USP34: variants seen among roughly 807,000 people sequenced by gnomAD.
The protein encoded by USP34 is ubiquitin carboxyl-terminal hydrolase 34.
USP34 carries 70 observed loss-of-function variants against 460.3 expected under a neutral mutation model. The observed-to-expected ratio is 0.15, with a 90% CI of 0.13 to 0.19. The LOEUF is 0.19. Among genes scored for constraint, USP34 ranks in the 10% least tolerant of loss-of-function variants. The pLI, the probability that USP34 is intolerant of heterozygous loss-of-function variation, is 1.00. For synonymous variants in USP34, 1,647 were observed against 1,405.3 expected (o/e 1.17, Z -3.85); for missense variants, 3,985 against 4,236.2 (o/e 0.94, Z 1.65).
intron 41 of USP34, among the ~76,000 whole-genome samples, chr2:61,275,528 G>C (rs531941615): frequency 6.6e-6 from 1 of 152,090 alleles, no homozygotes; most frequent in African/African-American, 2.4e-5. Flanking sequence ...GGAGGTTGGG[G>C]CAGGTGAATC....
chr2:61,301,753 G>A (rs1314903969), intron 27 of USP34, among the ~76,000 whole-genome samples: 3 of 152,138 alleles, frequency 2.0e-5, no homozygotes, highest in Non-Finnish European at 4.4e-5. Flanking sequence ...CAAGGACTAA[G>A]ATTTCTCTCC....
chr2:61,398,488 GGGGGAAGGAGGCGGAAGCA>G (rs761441365), intron 3 of USP34, among the ~76,000 whole-genome samples: 31 of 119,390 alleles, frequency 2.6e-4, no homozygotes, highest in Non-Finnish European at 4.2e-4. Flanking sequence ...AGGCGGAAGC[GGGGGAAGGAGGCGGAAGCA>G]GGGGAAGGAG....
intron 15 of USP34, among the ~76,000 whole-genome samples, chr2:61,344,912 A>G (rs1263526541): frequency 6.6e-6 from 1 of 152,170 alleles, no homozygotes; most frequent in Admixed American, 6.5e-5. Context: ...GGCTCAGTAT[A>G]GTGGCAAACA....
intron 41 of USP34, among the ~76,000 whole-genome samples, chr2:61,268,438 TAAAAAAAAAAA>T (rs35618230): frequency 6.9e-4 from 37 of 53,416 alleles, no homozygotes; most frequent in Middle Eastern, 0.014. Context: ...GAGCTGTTGT[TAAAAAAAAAAA>T]AAAAAAAAAA....
intron 43 of USP34, among the ~76,000 whole-genome samples, chr2:61,261,365 C>T (rs1688872872): frequency 6.6e-6 from 1 of 152,066 alleles, no homozygotes; most frequent in African/African-American, 2.4e-5. Flanking sequence ...CATGGATAAC[C>T]CTTGAAGATA....
Position 61,281,102 on chromosome 2 carries a change from G to C in USP34, c.5139C>G (p.Leu1713=), listed in dbSNP as rs764830264. Residue 1713 remains leucine (L), a synonymous_variant, in exon 38 of 80, where the codon CTC becomes CTG. Transcript: ENST00000398571. ...LLKFLPDAQA[L]KPIRIDDYEE... ...AGTAAAATCTTACCCTAATAGGTTT[G>C]AGTGCTTGAGCATCAGGAAGAAATT... 2 of 1,613,484 alleles carry C rather than the reference G, an allele frequency of 1.2e-6. No homozygotes were observed. The highest frequency in any genetic ancestry group is 1.7e-6 in the Non-Finnish European group (2 of 1,179,682).
rs537397343 is a variant in USP34, at chr2:61,383,234, T to C, written c.821+35A>G. The C allele has an allele frequency of 8.8e-5, 128 of 1,454,236 alleles. No homozygotes were observed. In the South Asian group the frequency reaches 1.5e-3, roughly 17 times the overall value. 90.1% of individuals were successfully genotyped at this position (1,454,236 alleles called of 1,614,324 possible). On this transcript the variant is annotated intron_variant, in intron 6 of 79. Transcript: ENST00000398571. ...TATAAATTGTTTAAATATATTACACTGATAATCGGGGGTAAAGAAATTTTA... is the reference window on the plus strand; with the variant it reads ...TATAAATTGTTTAAATATATTACACCGATAATCGGGGGTAAAGAAATTTTA...
intron 1 of USP34, among the ~76,000 whole-genome samples, 195 bp downstream of exon 1, chr2:61,470,455 C>T (rs1468444543): frequency 6.7e-6 from 1 of 149,698 alleles, no homozygotes; most frequent in East Asian, 1.9e-4. Context: ...CTCTCGGGCG[C>T]CCAGGTAACC....
intron 16 of USP34, among the ~76,000 whole-genome samples, chr2:61,341,748 GGTCT>G (rs1372970987): frequency 1.3e-4 from 20 of 149,040 alleles, no homozygotes; most frequent in African/African-American, 4.9e-4. Flanking sequence ...CCCAGACTCA[GGTCT>G]TTCTTTTTTT....
intron 50 of USP34, among the ~76,000 whole-genome samples, chr2:61,245,521 G>T (rs1307315433): frequency 1.3e-5 from 2 of 150,848 alleles, no homozygotes; most frequent in South Asian, 2.1e-4. Context: ...ATTAACAAAA[G>T]AATTCATAAA....
intron 41 of USP34, among the ~76,000 whole-genome samples, chr2:61,271,721 CAGT>C (rs1461247543): frequency 6.6e-6 from 1 of 151,998 alleles, no homozygotes; most frequent in Non-Finnish European, 1.5e-5. Flanking sequence ...GAGGAGGAAG[CAGT>C]AGTAGTGATA....
chr2:61,466,499 T>C (rs979394112), intron 1 of USP34, among the ~76,000 whole-genome samples: 3 of 152,196 alleles, frequency 2.0e-5, no homozygotes, highest in African/African-American at 7.2e-5. Flanking sequence ...AAATGCTAAA[T>C]GTTTGAGATG....
chr2:61,194,162 T>TA, intron 75 of USP34: 2 of 985,362 alleles, frequency 2.0e-6, no homozygotes, highest in Non-Finnish European at 2.4e-6. Context: ...ACTCAGAACT[T>TA]ACCAAGGATG....
At chr2:61,449,111 C>T (rs1182660975) in intron 1 of USP34, among the ~76,000 whole-genome samples, 1 of 151,748 alleles carries the variant, frequency 6.6e-6, no homozygotes, top group Non-Finnish European at 1.5e-5. Flanking sequence ...GAGCCAAGAT[C>T]GTGCCACTGC....
intron 75 of USP34, among the ~76,000 whole-genome samples, chr2:61,194,366 G>A (rs1212562647): frequency 6.6e-6 from 1 of 152,228 alleles, no homozygotes; most frequent in African/African-American, 2.4e-5. Flanking sequence ...TGGCTATAGG[G>A]AAGAGAGTTC....
rs1386066715 is a variant in USP34, at chr2:61,331,229, G to T, written c.2930+47C>A. The T allele has an allele frequency of 2.7e-6, 4 of 1,470,978 alleles. No individual in the cohort carries two copies. In the East Asian group the frequency reaches 9.4e-5, roughly 35 times the overall value. The allele number at this position is 1,470,978 out of a possible 1,614,324, so 91.1% of individuals were successfully genotyped here. Reference sequence around the variant, plus strand: ...AACACTGGAAAATCATCTTTCAAAGGAAAGACATCGACACAAATGTATTTA... The same window carrying T: ...AACACTGGAAAATCATCTTTCAAAGTAAAGACATCGACACAAATGTATTTA... On this transcript the variant is annotated intron_variant, in intron 20 of 79. Transcript: ENST00000398571.
chr2:61,197,833 C>G (rs372927355), intron 75 of USP34, among the ~76,000 whole-genome samples: 27 of 152,306 alleles, frequency 1.8e-4, no homozygotes, highest in African/African-American at 6.5e-4. Context: ...CATCTCAGCT[C>G]ACTGCAACCT....
intron 20 of USP34, among the ~76,000 whole-genome samples, chr2:61,330,030 G>A (rs1272125201): frequency 6.6e-6 from 1 of 152,058 alleles, no homozygotes; most frequent in African/African-American, 2.4e-5. Flanking sequence ...TAGTGTTTGC[G>A]GAAATGTCAA....
chr2:61,295,452 T>C (rs893710966), intron 30 of USP34, among the ~76,000 whole-genome samples, 162 bp from the exon 31 acceptor site: 3 of 152,188 alleles, frequency 2.0e-5, no homozygotes, highest in Non-Finnish European at 4.4e-5. Context: ...ACAAATGGTA[T>C]GCTTAAAACA....
Sources: allele counts gnomAD v4.1 joint callset (sites outside exome capture counted in the v4.1 genomes callset), GRCh38; gene constraint gnomAD v4.1.1; transcripts MANE v1.5; gene names NCBI Gene and HGNC (gene_info 2026-07-23, HGNC 2026-07-21).